The following GPC5 variants were observed in gnomAD, a reference collection of about 807,000 sequenced individuals.
The protein encoded by GPC5 is glypican 5, also known as glypican-5.
Under a neutral mutation model 53.9 loss-of-function variants are expected in GPC5, and 47 were observed. The ratio of observed to expected loss-of-function variants is 0.87; its 90% CI spans 0.69 to 1.11. The LOEUF (loss-of-function observed/expected upper bound fraction) is 1.11, where lower values mean the gene tolerates loss of function less well. Among genes scored for constraint, GPC5 ranks in the 50% most tolerant of loss-of-function variants. GPC5 has a pLI of 0.00. For missense variants in GPC5, 748 were observed against 713.1 expected (o/e 1.05, Z -0.56); for synonymous variants, 286 against 263.3 (o/e 1.09, Z -0.84).
chr13:92,233,959 T>C (rs2042550626), intron 7 of GPC5, among the ~76,000 whole-genome samples: 2 of 152,190 alleles, frequency 1.3e-5, no homozygotes, highest in Admixed American at 1.3e-4. Flanking sequence ...GTTTCCAGCT[T>C]CATCTATGTC....
intron 7 of GPC5, among the ~76,000 whole-genome samples, chr13:92,200,934 G>A (rs569285523): frequency 8.6e-5 from 13 of 151,404 alleles, no homozygotes; most frequent in African/African-American, 2.7e-4. Flanking sequence ...ATAAATTGGA[G>A]GAGTGTAGGG....
chr13:91,398,827 T>C lies in GPC5; in HGVS notation c.-220T>C, dbSNP rs780458041. On this transcript the variant is annotated 5_prime_UTR_variant, in exon 1 of 8. Coordinates refer to ENST00000377067, the MANE Select transcript of GPC5 (RefSeq NM_004466.6). Reference sequence around the variant, plus strand: ...TCGGCTAGGGAAGAAGACCAGAGGGTGCTCAGCTGGAAAACTCTGGTGTCT... The same window carrying C: ...TCGGCTAGGGAAGAAGACCAGAGGGCGCTCAGCTGGAAAACTCTGGTGTCT... 6 of 511,502 alleles carry C rather than the reference T, an allele frequency of 1.2e-5. No individual in the cohort carries two copies. Among genetic ancestry groups the C allele is most frequent in the African/African-American group, 2.0e-5 (1 of 50,038 alleles). 31.7% of individuals were successfully genotyped at this position (511,502 alleles called of 1,614,324 possible).
At chr13:92,822,144 T>G (rs1160120990) in intron 7 of GPC5, among the ~76,000 whole-genome samples, 1 of 152,138 alleles carries the variant, frequency 6.6e-6, no homozygotes, top group Non-Finnish European at 1.5e-5. Context: ...TTACAAAGGT[T>G]AAATATGTTA....
chr13:92,743,733 A>G (rs1889167777), intron 7 of GPC5, among the ~76,000 whole-genome samples: 2 of 152,108 alleles, frequency 1.3e-5, no homozygotes, highest in Non-Finnish European at 2.9e-5. Context: ...TCTCATAAAT[A>G]GCTCTTATTA....
chr13:92,296,443 T>A (rs200030692), intron 7 of GPC5, among the ~76,000 whole-genome samples: 1 of 151,972 alleles, frequency 6.6e-6, no homozygotes, highest in East Asian at 1.9e-4. Flanking sequence ...CTGTGGGGGA[T>A]GGGGGTGAGA....
At chr13:91,459,123 A>G (rs1176058514) in intron 2 of GPC5, among the ~76,000 whole-genome samples, 1 of 151,972 alleles carries the variant, frequency 6.6e-6, no homozygotes. Context: ...TGCTTGGGTG[A>G]TGGGTGCACC....
chr13:91,412,396 G>A (rs867219856), intron 1 of GPC5, among the ~76,000 whole-genome samples: 1 of 152,168 alleles, frequency 6.6e-6, no homozygotes, highest in African/African-American at 2.4e-5. Flanking sequence ...GAACATGATT[G>A]TATTTGAATA....
At chr13:92,193,408 A>C (rs1273989839) in intron 7 of GPC5, among the ~76,000 whole-genome samples, 1 of 152,202 alleles carries the variant, frequency 6.6e-6, no homozygotes, top group Admixed American at 6.5e-5. Context: ...CAGTACTGTG[A>C]AAGAGTAACA....
chr13:92,613,658 T>C (rs1385705424), intron 7 of GPC5, among the ~76,000 whole-genome samples: 2 of 127,478 alleles, frequency 1.6e-5, no homozygotes, highest in Non-Finnish European at 3.2e-5. Context: ...ATATAATATT[T>C]ATATATTTTA....
intron 7 of GPC5, among the ~76,000 whole-genome samples, chr13:92,471,272 T>G (rs946497297): frequency 2.6e-5 from 4 of 152,136 alleles, no homozygotes; most frequent in African/African-American, 9.7e-5. Context: ...TTAATCATGT[T>G]TTTAAATATA....
At chr13:92,307,544 A>G (rs2043118828) in intron 7 of GPC5, among the ~76,000 whole-genome samples, 1 of 152,246 alleles carries the variant, frequency 6.6e-6, no homozygotes, top group African/African-American at 2.4e-5. Flanking sequence ...TATTAGCAAT[A>G]TATTTTTTCT....
chr13:91,529,251 TGTTA>T (rs1212627184), intron 2 of GPC5, among the ~76,000 whole-genome samples: 2 of 152,232 alleles, frequency 1.3e-5, no homozygotes, highest in African/African-American at 2.4e-5. Flanking sequence ...AAGAGCTTCA[TGTTA>T]GTTAACATTA....
At chr13:92,215,180 G>T (rs146752146) in intron 7 of GPC5, among the ~76,000 whole-genome samples, 45 of 152,312 alleles carry the variant, frequency 3.0e-4, no homozygotes, top group Non-Finnish European at 5.6e-4. Context: ...CAGGGAGGTG[G>T]AAGTACACAG....
intron 7 of GPC5, among the ~76,000 whole-genome samples, chr13:92,723,721 A>T (rs1888565313): frequency 6.6e-6 from 1 of 151,658 alleles, no homozygotes; most frequent in Non-Finnish European, 1.5e-5. Context: ...TGCCTTGTGA[A>T]ATTTTCATTT....
At chr13:91,652,572 T>TATAC (rs1407986707) in intron 2 of GPC5, among the ~76,000 whole-genome samples, 1 of 152,152 alleles carries the variant, frequency 6.6e-6, no homozygotes, top group Non-Finnish European at 1.5e-5. Context: ...GCAGGTAGGA[T>TATAC]ATACAGCACA....
intron 7 of GPC5, among the ~76,000 whole-genome samples, chr13:92,698,230 T>C (rs2139244614): frequency 6.6e-6 from 1 of 152,270 alleles, no homozygotes; most frequent in Middle Eastern, 3.4e-3. Flanking sequence ...GTTAGTTACA[T>C]ATGTATACAT....
chr13:92,230,986 G>A (rs146788885), intron 7 of GPC5, among the ~76,000 whole-genome samples: 1 of 152,088 alleles, frequency 6.6e-6, no homozygotes, highest in Non-Finnish European at 1.5e-5. Flanking sequence ...AGGCAGCAAG[G>A]TGTCATGGAA....
intron 7 of GPC5, among the ~76,000 whole-genome samples, chr13:92,682,300 TC>T (rs1887135373): frequency 6.6e-6 from 1 of 152,196 alleles, no homozygotes; most frequent in Non-Finnish European, 1.5e-5. Flanking sequence ...GCTCTCTCTC[TC>T]CCCGTTTTGC....
At position 92,489,976 on chromosome 13, in the gene GPC5, C is replaced by G. The variant is rs914035730; in HGVS notation, c.1561+344987C>G. 2.6e-5 allele frequency among the ~76,000 whole-genome samples: 4 copies of G among 151,896 alleles called. No individual in the cohort carries two copies. In the East Asian group the frequency reaches 5.8e-4, roughly 22 times the overall value. ...GAACTTCATTATGACATATTTGTCCCTAAACATTATATGTAAGTTTTTATT... is the reference window on the plus strand; with the variant it reads ...GAACTTCATTATGACATATTTGTCCGTAAACATTATATGTAAGTTTTTATT... On this transcript the variant is annotated intron_variant, in intron 7 of 7. Transcript: ENST00000377067.
Sources: gnomAD v4.1 joint callset for allele counts (sites outside exome capture counted in the v4.1 genomes callset) on GRCh38, gnomAD v4.1.1 for gene constraint, MANE v1.5 for transcripts, NCBI Gene and HGNC (gene_info 2026-07-23, HGNC 2026-07-21) for gene names.